TRIM58: variants seen among roughly 807,000 people sequenced by gnomAD.
TRIM58 encodes the protein tripartite motif containing 58.
Under a neutral mutation model 34.1 loss-of-function variants are expected in TRIM58, and 38 were observed. The ratio of observed to expected loss-of-function variants is 1.12; its 90% confidence interval spans 0.86 to 1.46. The LOEUF (loss-of-function observed/expected upper bound fraction) is 1.46, where lower values mean the gene tolerates loss of function less well. TRIM58 is among the 40% of genes most tolerant of loss of function. The probability of loss-of-function intolerance (pLI) is 0.00; values close to 1 mark genes in which losing one functional copy is unlikely to be tolerated. For missense variants in TRIM58, 677 were observed against 642.0 expected (o/e 1.05, Z -0.59); for synonymous variants, 273 against 275.7 (o/e 0.99, Z 0.10).
At chr1:247,861,884 G>A (rs538533364) in intron 2 of TRIM58, among the ~76,000 whole-genome samples, 2 of 152,282 alleles carry the variant, frequency 1.3e-5, no homozygotes, top group Non-Finnish European at 2.9e-5. Context: ...AGCACTTTGG[G>A]AAGCCGAAGC....
In TRIM58 at chr1:247,879,898, C is replaced by T. The variant is rs1445143383; in HGVS notation, c.*3409C>T. 6.6e-6 allele frequency among the ~76,000 whole-genome samples: 1 copy of T among 152,004 alleles called. No individual in the cohort carries two copies. The highest frequency in any genetic ancestry group is 1.9e-4 in the East Asian group (1 of 5,142). On this transcript the variant is annotated 3_prime_UTR_variant, in exon 6 of 6. Coordinates refer to ENST00000366481, the MANE Select transcript of TRIM58 (RefSeq NM_015431.4). The stretch of plus-strand genomic sequence containing the variant: ...CCTTTCCAGTCGCCCTTGCCAGGCT[C>T]AGTGGAGGCTCTTTGTTCCCCATAC...
In TRIM58 at chr1:247,864,698, A is replaced by G. The variant is rs762284804; in HGVS notation, c.517-7A>G. On this transcript the variant is annotated splice_region_variant and splice_polypyrimidine_tract_variant and intron_variant, in intron 2 of 5. Coordinates refer to ENST00000366481, the MANE Select transcript of TRIM58 (RefSeq NM_015431.4). ...CACTGACGATGTGATCCACGGTGTCACCTCAGGAGAAAGTGGAAATGCAGA... is the reference window on the plus strand; with the variant it reads ...CACTGACGATGTGATCCACGGTGTCGCCTCAGGAGAAAGTGGAAATGCAGA... 6.2e-7 allele frequency: 1 copy of G among 1,613,766 alleles called. No homozygotes were observed. The highest frequency in any genetic ancestry group is 1.7e-5 in the Admixed American group (1 of 59,966).
At chr1:247,871,980 GGCA>G (rs1659138609) in intron 5 of TRIM58, among the ~76,000 whole-genome samples, 1 of 152,314 alleles carries the variant, frequency 6.6e-6, no homozygotes, top group South Asian at 2.1e-4. Flanking sequence ...AAAGCATTCA[GGCA>G]GCAGAAATGA....
chr1:247,872,593 A>G (rs981399414), intron 5 of TRIM58, among the ~76,000 whole-genome samples: 19 of 152,228 alleles, frequency 1.2e-4, no homozygotes, highest in Non-Finnish European at 1.8e-4. Flanking sequence ...AAATGTTGCT[A>G]TCAAGTGGGC....
chr1:247,868,215 A>T, intron 5 of TRIM58, 152 bp downstream of exon 5: 1 of 643,038 alleles, frequency 1.6e-6, no homozygotes, highest in South Asian at 2.0e-5. Context: ...GACCAACAGA[A>T]CCTAAAGTCT....
At chr1:247,871,852 T>C (rs1234914453) in intron 5 of TRIM58, among the ~76,000 whole-genome samples, 1 of 152,192 alleles carries the variant, frequency 6.6e-6, no homozygotes, top group Non-Finnish European at 1.5e-5. Context: ...TGACACAGAA[T>C]ATTGAAGAAA....
chr1:247,870,354 G>A lies in TRIM58; in HGVS notation c.871+2291G>A, dbSNP rs537421835. ...CCTGCACCACCATGCCCAGAAGAAC[G>A]AGGATTAGTATATTCATGAGCAGTA... On this transcript the variant is annotated intron_variant, in intron 5 of 5. Transcript: ENST00000366481. Among the ~76,000 whole-genome samples, 481 of 147,762 alleles carry A rather than the reference G, an allele frequency of 3.3e-3. 24 individuals carry two copies. The Admixed American group carries it at 0.033, about 10-fold the overall frequency.
chr1:247,876,578 C>T lies in TRIM58; in HGVS notation c.*89C>T. The T allele has an allele frequency of 1.0e-6, 1 of 955,634 alleles. No individual in the cohort carries two copies. Among genetic ancestry groups the T allele is most frequent in the Non-Finnish European group, 1.5e-6 (1 of 649,224 alleles). The allele number at this position is 955,634 out of a possible 1,614,324, so 59.2% of individuals were successfully genotyped here. A position where few individuals can be genotyped will look rare whatever the true frequency, so the allele number is the denominator to read the frequency against. On this transcript the variant is annotated 3_prime_UTR_variant, in exon 6 of 6. Transcript: ENST00000366481. ...AATATACTAAGTTTTAACAGATACC[C>T]CATTTAGGTCAGCACTTGATTCGTT...
Position 247,864,842 on chromosome 1 carries a change from C to T in TRIM58, c.654C>T (p.Ser218=), listed in dbSNP as rs1407006355. 6.2e-7 allele frequency: 1 copy of T among 1,613,042 alleles called. No individual in the cohort carries two copies. Among genetic ancestry groups the T allele is most frequent in the African/African-American group, 1.3e-5 (1 of 75,010 alleles). ...ERATLQRLRE[S]KSRLVQQSKA... ...CGACGCTGCAGAGACTGCGGGAGAG[C>T]AAGAGCCGGCTGGTCCAGCAGAGCA... The change falls in exon 3 of 6, where the codon AGC becomes AGT. Residue 218 remains serine, a synonymous_variant. Transcript: ENST00000366481.
chr1:247,871,665 T>C (rs1404058812), intron 5 of TRIM58, among the ~76,000 whole-genome samples: 1 of 152,180 alleles, frequency 6.6e-6, no homozygotes. Flanking sequence ...CTCAGCAACC[T>C]CATATCCATA....
At position 247,876,508 on chromosome 1, in the gene TRIM58, C is replaced by G. The variant is rs765578018; in HGVS notation, c.*19C>G. On this transcript the variant is annotated 3_prime_UTR_variant, in exon 6 of 6. Transcript: ENST00000366481. The stretch of plus-strand genomic sequence containing the variant: ...TCTCTAAAATTCTGTTCCCAAGATG[C>G]AGTCCTAGCGTAGCGAACGTTCCTG... 1.9e-6 allele frequency: 3 copies of G among 1,596,386 alleles called. No homozygotes were observed. Among genetic ancestry groups the G allele is most frequent in the East Asian group, 2.2e-5 (1 of 44,782 alleles).
intron 5 of TRIM58, among the ~76,000 whole-genome samples, chr1:247,869,590 C>T (rs759087244): frequency 2.0e-5 from 3 of 152,190 alleles, no homozygotes; most frequent in Non-Finnish European, 4.4e-5. Flanking sequence ...GGTATGGTGC[C>T]TCCTGCACTG....
chr1:247,872,250 A>T (rs1307714651), intron 5 of TRIM58, among the ~76,000 whole-genome samples: 1 of 152,264 alleles, frequency 6.6e-6, no homozygotes, highest in Non-Finnish European at 1.5e-5. Flanking sequence ...AGTAAATTAC[A>T]GAGAGGAGAA....
intron 2 of TRIM58, among the ~76,000 whole-genome samples, chr1:247,861,985 A>C (rs1663804122): frequency 6.6e-6 from 1 of 152,102 alleles, no homozygotes; most frequent in South Asian, 2.1e-4. Flanking sequence ...AAAATTAGCC[A>C]GGCGTGGTGG....
At chr1:247,868,176 G>A (rs1663974336) in intron 5 of TRIM58, 113 bp downstream of exon 5, 1 of 844,354 alleles carries the variant, frequency 1.2e-6, no homozygotes, top group Non-Finnish European at 1.9e-6. Flanking sequence ...CTCGTATTGT[G>A]GTTTGTCACT....
Position 247,880,110 on chromosome 1 carries a change from A to G in TRIM58, c.*3621A>G, listed in dbSNP as rs1659375757. Among the ~76,000 whole-genome samples the G allele has an allele frequency of 1.3e-5, 2 of 152,200 alleles. No individual in the cohort carries two copies. The highest frequency in any genetic ancestry group is 4.1e-4 in the South Asian group (2 of 4,822). ...CATTCAATCTGTATTTGTTGAATGA[A>G]TAAATGATTGACTATGTGGAGAGCA... On this transcript the variant is annotated 3_prime_UTR_variant, in exon 6 of 6. Transcript: ENST00000366481.
At position 247,868,165 on chromosome 1, in the gene TRIM58, C is replaced by T. The variant is rs1663974097; in HGVS notation, c.871+102C>T. On this transcript the variant is annotated intron_variant, in intron 5 of 5. Transcript: ENST00000366481. ...TGGGAATGAGGCTGCCTGGGGTTTG[C>T]CTCGTATTGTGGTTTGTCACTATGC... The T allele has an allele frequency of 3.0e-5, 30 of 989,772 alleles. 1 individual carries two copies. The South Asian group carries it at 3.9e-4, about 13-fold the overall frequency. 61.3% of individuals were successfully genotyped at this position (989,772 alleles called of 1,614,324 possible). A position where few individuals can be genotyped will look rare whatever the true frequency, so the allele number is the denominator to read the frequency against.
intron 3 of TRIM58, among the ~76,000 whole-genome samples, chr1:247,866,891 G>A (rs1320630967): frequency 6.6e-6 from 1 of 152,148 alleles, no homozygotes; most frequent in African/African-American, 2.4e-5. Flanking sequence ...TGAAGGCCAA[G>A]ACCAAGGCCT....
intron 2 of TRIM58, 47 bp downstream of exon 2, chr1:247,860,759 C>T: frequency 7.0e-7 from 1 of 1,433,616 alleles, no homozygotes. Context: ...TTGAAGGATC[C>T]AGATTCGGGT....
Sources: gnomAD v4.1 joint callset for allele counts (sites outside exome capture counted in the v4.1 genomes callset) on GRCh38, gnomAD v4.1.1 for gene constraint, MANE v1.5 for transcripts, NCBI Gene and HGNC (gene_info 2026-07-23, HGNC 2026-07-21) for gene names.